The following EPB41L4A variants were observed in gnomAD, a reference collection of about 807,000 sequenced individuals.
The protein encoded by EPB41L4A is erythrocyte membrane protein band 4.1 like 4A, also known as band 4.1-like protein 4A.
A neutral mutation model predicts 108.6 loss-of-function variants in EPB41L4A; 100 were observed. The observed-to-expected ratio is 0.92, with a 90% CI of 0.78 to 1.09. The LOEUF is 1.09. EPB41L4A is among the 50% of genes least tolerant of loss of function. The pLI is 0.00. For synonymous variants in EPB41L4A, 319 were observed against 289.0 expected (o/e 1.10, Z -1.05); for missense variants, 1,030 against 842.7 (o/e 1.22, Z -2.75).
At chr5:112,309,007 C>T (rs1754875993) in intron 1 of EPB41L4A, among the ~76,000 whole-genome samples, 1 of 152,194 alleles carries the variant, frequency 6.6e-6, no homozygotes, top group South Asian at 2.1e-4. Context: ...TTGAGTTAGG[C>T]ATTCCCTAAC....
chr5:112,224,043 G>A (rs531246255), intron 12 of EPB41L4A, among the ~76,000 whole-genome samples: 3 of 152,178 alleles, frequency 2.0e-5, no homozygotes, highest in South Asian at 2.1e-4. Context: ...CCTCCGCCCC[G>A]CAGGTTCAAG....
At chr5:112,236,577 A>C (rs776328459) in intron 11 of EPB41L4A, among the ~76,000 whole-genome samples, 7 of 152,174 alleles carry the variant, frequency 4.6e-5, no homozygotes, top group African/African-American at 9.7e-5. Flanking sequence ...TTACAGTGTA[A>C]GGTGATGAAA....
At chr5:112,343,113 C>A (rs1194129943) in intron 1 of EPB41L4A, among the ~76,000 whole-genome samples, 1 of 152,158 alleles carries the variant, frequency 6.6e-6, no homozygotes, top group African/African-American at 2.4e-5. Flanking sequence ...GAGAGGTATA[C>A]ACTTTCCATA....
At chr5:112,413,148 C>T (rs757834306) in intron 1 of EPB41L4A, among the ~76,000 whole-genome samples, 5 of 152,226 alleles carry the variant, frequency 3.3e-5, no homozygotes, top group African/African-American at 7.2e-5. Flanking sequence ...TGCTCTTCTT[C>T]GGAAAGACTC....
intron 1 of EPB41L4A, among the ~76,000 whole-genome samples, chr5:112,382,981 G>A (rs1420951485): frequency 1.3e-5 from 2 of 152,206 alleles, no homozygotes; most frequent in African/African-American, 4.8e-5. Context: ...GTTGTAAGAA[G>A]CCAGCAATGA....
chr5:112,398,326 C>T (rs17134476), intron 1 of EPB41L4A, among the ~76,000 whole-genome samples: 2,954 of 152,230 alleles, frequency 0.019, 36 homozygotes, highest in South Asian at 0.033. Context: ...AAGAGTGAAG[C>T]GCTATCAGCC....
intron 18 of EPB41L4A, among the ~76,000 whole-genome samples, chr5:112,182,125 G>A (rs1274570032): frequency 2.0e-5 from 3 of 151,964 alleles, no homozygotes; most frequent in African/African-American, 7.2e-5. Context: ...ACTAGAAGGA[G>A]CATGAAGGAA....
At chr5:112,339,501 TATATATATAGATATATAG>T (rs1757147721) in intron 1 of EPB41L4A, among the ~76,000 whole-genome samples, 1 of 45,622 alleles carries the variant, frequency 2.2e-5, no homozygotes, top group Non-Finnish European at 4.1e-5. Flanking sequence ...TATATCTATA[TATATATATAGATATATAG>T]ATATATATCT....
rs180731509 is a variant in EPB41L4A at position 112,270,847 on chromosome 5, G to A, written c.335+4479C>T. Among the ~76,000 whole-genome samples the A allele has an allele frequency of 3.3e-5, 5 of 152,280 alleles. No individual in the cohort carries two copies. In the East Asian group the frequency reaches 9.6e-4, roughly 29 times the overall value. ...ATATCAATCCTCAGCAAAATGCTGT[G>A]AAATATTATTTTAAAAGCTAAGAAA... On this transcript the variant is annotated intron_variant, in intron 4 of 22. Coordinates refer to ENST00000261486, the MANE Select transcript of EPB41L4A (RefSeq NM_022140.5).
chr5:112,383,598 C>T (rs761741996), intron 1 of EPB41L4A, among the ~76,000 whole-genome samples: 39 of 152,074 alleles, frequency 2.6e-4, no homozygotes, highest in Admixed American at 2.0e-4. Flanking sequence ...AGAAAAAGGA[C>T]ACAAGGGAAC....
At chr5:112,168,372 C>G (rs931601916) in intron 22 of EPB41L4A, among the ~76,000 whole-genome samples, 5 of 152,214 alleles carry the variant, frequency 3.3e-5, no homozygotes, top group African/African-American at 1.2e-4. Flanking sequence ...TATCAGTTAA[C>G]AAAGTGAGTC....
At chr5:112,251,252 T>C (rs544466586) in intron 9 of EPB41L4A, among the ~76,000 whole-genome samples, 4 of 152,304 alleles carry the variant, frequency 2.6e-5, no homozygotes, top group African/African-American at 9.6e-5. Flanking sequence ...CATAAGTACT[T>C]ACCCTATGAC....
chr5:112,361,220 C>G (rs140402237), intron 1 of EPB41L4A, among the ~76,000 whole-genome samples: 3,169 of 152,196 alleles, frequency 0.021, 47 homozygotes, highest in Non-Finnish European at 0.032. Flanking sequence ...TGACCTTTCC[C>G]CCAACCCCGT....
chr5:112,310,879 T>C (rs1580660367), intron 1 of EPB41L4A, among the ~76,000 whole-genome samples: 4 of 152,254 alleles, frequency 2.6e-5, no homozygotes, highest in African/African-American at 9.6e-5. Flanking sequence ...CTTTGACTTC[T>C]CAGCAAGAGT....
At chr5:112,390,651 T>C (rs1484999568) in intron 1 of EPB41L4A, among the ~76,000 whole-genome samples, 1 of 152,196 alleles carries the variant, frequency 6.6e-6, no homozygotes, top group Admixed American at 6.5e-5. Context: ...CAGTAACTTC[T>C]GCAGATTTAA....
intron 1 of EPB41L4A, among the ~76,000 whole-genome samples, chr5:112,315,576 A>G (rs1297702084): frequency 6.6e-6 from 1 of 152,220 alleles, no homozygotes; most frequent in African/African-American, 2.4e-5. Flanking sequence ...TGATACACAG[A>G]GATTCAGTTT....
chr5:112,342,359 TTCTA>T (rs1757372219), intron 1 of EPB41L4A, among the ~76,000 whole-genome samples: 1 of 152,236 alleles, frequency 6.6e-6, no homozygotes, highest in South Asian at 2.1e-4. Flanking sequence ...CTGATAACTT[TTCTA>T]AAGCATTCAC....
At chr5:112,336,686 A>T (rs758044165) in intron 1 of EPB41L4A, among the ~76,000 whole-genome samples, 1 of 152,220 alleles carries the variant, frequency 6.6e-6, no homozygotes, top group Non-Finnish European at 1.5e-5. Context: ...CAGAAAGGAG[A>T]TGATGACAAC....
rs904185820 is a variant in EPB41L4A, at chr5:112,164,691, C to T, written c.*299G>A. On this transcript the variant is annotated 3_prime_UTR_variant, in exon 23 of 23. Coordinates refer to ENST00000261486, the MANE Select transcript of EPB41L4A (RefSeq NM_022140.5). ...TACTAAAAATACAAAAAGAATTAGC[C>T]GGGTGTTGTGGTGCACGCCTGTAAT... 1.7e-5 allele frequency: 3 copies of T among 181,662 alleles called. No homozygotes were observed. Among genetic ancestry groups the T allele is most frequent in the South Asian group, 1.6e-4 (1 of 6,450 alleles). The allele number at this position is 181,662 out of a possible 1,614,324, so 11.3% of individuals were successfully genotyped here.
Sources: allele counts gnomAD v4.1 joint callset (sites outside exome capture counted in the v4.1 genomes callset), GRCh38; gene constraint gnomAD v4.1.1; transcripts MANE v1.5; gene names NCBI Gene and HGNC (gene_info 2026-07-23, HGNC 2026-07-21).